Variants in TBC1D1 observed in about 807,000 individuals in gnomAD.
TBC1D1 encodes TBC1 (tre-2/USP6, BUB2, cdc16) domain family, member 1.
In TBC1D1, 89 loss-of-function variants were observed where a neutral mutation model predicts 125.6. The ratio of observed to expected loss-of-function variants is 0.71; its 90% CI spans 0.60 to 0.85. The LOEUF is 0.85. Among genes scored for constraint, TBC1D1 ranks in the 40% least tolerant of loss-of-function variants. TBC1D1 has a pLI of 0.00. For missense variants in TBC1D1, 1,377 were observed against 1,469.2 expected (o/e 0.94, Z 1.03); for synonymous variants, 565 against 564.1 (o/e 1.00, Z -0.02).
chr4:38,132,381 T>G (rs1765729887), intron 18 of TBC1D1, among the ~76,000 whole-genome samples: 1 of 152,192 alleles, frequency 6.6e-6, no homozygotes, highest in Admixed American at 6.5e-5. Context: ...CGCCCTGCCT[T>G]CCTTACCAAG....
intron 2 of TBC1D1, among the ~76,000 whole-genome samples, chr4:37,981,049 C>T (rs776813754): frequency 7.9e-5 from 12 of 151,800 alleles, no homozygotes; most frequent in Non-Finnish European, 1.5e-4. Flanking sequence ...TTCAAGTGCT[C>T]CTCCCACCTC....
chr4:38,025,392 A>AGGG (rs980152762), intron 6 of TBC1D1, among the ~76,000 whole-genome samples: 16 of 152,194 alleles, frequency 1.1e-4, no homozygotes, highest in African/African-American at 3.9e-4. Flanking sequence ...ACCACCCAGG[A>AGGG]GGGGCTAGCT....
intron 14 of TBC1D1, among the ~76,000 whole-genome samples, chr4:38,096,573 C>G (rs755676346): frequency 7.2e-5 from 11 of 152,156 alleles, no homozygotes; most frequent in African/African-American, 2.4e-4. Flanking sequence ...GATGTGGGTG[C>G]TGACAGTGGA....
At chr4:38,107,957 T>C (rs1423944716) in intron 15 of TBC1D1, among the ~76,000 whole-genome samples, 1 of 152,148 alleles carries the variant, frequency 6.6e-6, no homozygotes, top group Admixed American at 6.5e-5. Flanking sequence ...CATGTTCCTT[T>C]GGGGTAGATC....
chr4:37,933,688 T>C (rs1303893938), intron 2 of TBC1D1, among the ~76,000 whole-genome samples: 2 of 152,198 alleles, frequency 1.3e-5, no homozygotes, highest in Non-Finnish European at 2.9e-5. Context: ...GTGAACAACA[T>C]ATACAAAATG....
rs1329755368 is a variant in TBC1D1 at position 38,087,852 on chromosome 4, A to AG, written c.2051-2080_2051-2079insG. Among the ~76,000 whole-genome samples, 1,020 of 136,172 alleles carry AG rather than the reference A, an allele frequency of 7.5e-3. 15 individuals carry two copies. The highest frequency in any genetic ancestry group is 0.028 in the African/African-American group (980 of 34,630). 89.3% of individuals were successfully genotyped at this position (136,172 alleles called of 152,430 possible). ...CAGAATGAGATTCCGTCTCAAAAAA[A>AG]AAAAAAAAAAGAAAAAAAAAAAAAA... is the stretch of plus-strand genomic sequence containing the variant. On this transcript the variant is annotated intron_variant, in intron 12 of 19. Coordinates refer to ENST00000261439, the MANE Select transcript of TBC1D1 (RefSeq NM_015173.4).
intron 14 of TBC1D1, among the ~76,000 whole-genome samples, chr4:38,102,598 G>A (rs1760561368): frequency 6.6e-6 from 1 of 152,074 alleles, no homozygotes; most frequent in Admixed American, 6.6e-5. Flanking sequence ...TGGAACCAGT[G>A]GCCAGGCATG....
intron 2 of TBC1D1, among the ~76,000 whole-genome samples, chr4:37,947,642 G>A (rs1726989999): frequency 6.6e-6 from 1 of 152,214 alleles, no homozygotes; most frequent in South Asian, 2.1e-4. Flanking sequence ...TTTTGTTTGT[G>A]GAGGCAGGGT....
At chr4:38,135,252 T>A (rs1255056842) in intron 19 of TBC1D1, among the ~76,000 whole-genome samples, 2 of 152,230 alleles carry the variant, frequency 1.3e-5, no homozygotes, top group Non-Finnish European at 2.9e-5. Flanking sequence ...CCCATTTCAT[T>A]CCCTGTTAAA....
intron 2 of TBC1D1, among the ~76,000 whole-genome samples, chr4:37,991,541 T>G (rs1736566299): frequency 6.6e-6 from 1 of 152,074 alleles, no homozygotes; most frequent in Non-Finnish European, 1.5e-5. Context: ...CACCTGCTGC[T>G]GAACACGAGC....
chr4:37,897,541 T>C (rs1714915156), intron 1 of TBC1D1, among the ~76,000 whole-genome samples: 1 of 152,236 alleles, frequency 6.6e-6, no homozygotes, highest in South Asian at 2.1e-4. Context: ...TGAAATGTTT[T>C]GTCAATGAAA....
rs371329040 is a variant in TBC1D1, at chr4:38,136,108, GT to G, written c.3307-1025del. Among the ~76,000 whole-genome samples, 53 of 152,248 alleles carry G rather than the reference GT, an allele frequency of 3.5e-4. No homozygotes were observed. The East Asian group carries it at 8.5e-3, about 24-fold the overall frequency. On this transcript the variant is annotated intron_variant, in intron 19 of 19. Coordinates refer to ENST00000261439, the MANE Select transcript of TBC1D1 (RefSeq NM_015173.4). ...AGGCCTCAGGGACATCAGCATACATGTTGGAGTTTCTGCAGTTTTCTTAGGG... is the reference window on the plus strand; with the variant it reads ...AGGCCTCAGGGACATCAGCATACATGTGGAGTTTCTGCAGTTTTCTTAGGG...
intron 12 of TBC1D1, among the ~76,000 whole-genome samples, chr4:38,079,836 A>G (rs1457064583): frequency 1.3e-5 from 2 of 152,272 alleles, no homozygotes; most frequent in Non-Finnish European, 2.9e-5. Flanking sequence ...CAATGTATTT[A>G]AAAGGTACCT....
chr4:38,124,913 C>T (rs768595991), intron 17 of TBC1D1, 49 bp from the exon 20 acceptor site: 76 of 1,535,158 alleles, frequency 5.0e-5, no homozygotes, highest in Middle Eastern at 3.5e-4. Context: ...AATGGTATTG[C>T]GTGAGAAACT....
chr4:38,012,336 A>G (rs1741683894), intron 2 of TBC1D1, among the ~76,000 whole-genome samples: 1 of 152,250 alleles, frequency 6.6e-6, no homozygotes, highest in Non-Finnish European at 1.5e-5. Flanking sequence ...GCTGGAGTGC[A>G]GTGGTACTGT....
intron 19 of TBC1D1, among the ~76,000 whole-genome samples, chr4:38,135,210 T>A (rs1362324834): frequency 6.6e-6 from 1 of 152,226 alleles, no homozygotes; most frequent in Non-Finnish European, 1.5e-5. Flanking sequence ...CTACCTTTAT[T>A]CTGTCCATAA....
chr4:38,013,813 C>A (rs1313345116), intron 2 of TBC1D1, among the ~76,000 whole-genome samples: 1 of 151,782 alleles, frequency 6.6e-6, no homozygotes, highest in Admixed American at 6.7e-5. Context: ...TGTGAAGAAT[C>A]CCTGGTGAGC....
intron 2 of TBC1D1, among the ~76,000 whole-genome samples, chr4:37,918,437 T>C (rs1375732806): frequency 6.6e-6 from 1 of 152,046 alleles, no homozygotes; most frequent in African/African-American, 2.4e-5. Context: ...ACGGTGTGTT[T>C]TGGCATTTTC....
chr4:38,029,734 G>GA (rs1158452291), intron 7 of TBC1D1, among the ~76,000 whole-genome samples: 12 of 152,122 alleles, frequency 7.9e-5, no homozygotes, highest in African/African-American at 2.7e-4. Flanking sequence ...CAGTAGAATT[G>GA]GCATATGCTT....
Sources: gnomAD v4.1 joint callset for allele counts (sites outside exome capture counted in the v4.1 genomes callset) on GRCh38, gnomAD v4.1.1 for gene constraint, MANE v1.5 for transcripts, NCBI Gene and HGNC (gene_info 2026-07-23, HGNC 2026-07-21) for gene names.